The following NKAIN2 variants were observed in gnomAD, a reference collection of about 807,000 sequenced individuals.
The protein encoded by NKAIN2 is sodium/potassium-transporting ATPase subunit beta-1-interacting protein 2.
In NKAIN2, 14 loss-of-function variants were observed where a neutral mutation model predicts 32.6. The ratio of observed to expected loss-of-function variants is 0.43; its 90% CI spans 0.28 to 0.67. The LOEUF (loss-of-function observed/expected upper bound fraction) is 0.67, where lower values mean the gene tolerates loss of function less well. NKAIN2 is among the 30% of genes least tolerant of loss of function. The pLI is 0.17. For missense variants in NKAIN2, 198 were observed against 258.3 expected (o/e 0.77, Z 1.60); for synonymous variants, 80 against 87.2 (o/e 0.92, Z 0.46).
intron 1 of NKAIN2, among the ~76,000 whole-genome samples, chr6:123,857,552 A>G (rs1468696454): frequency 6.6e-6 from 1 of 152,202 alleles, no homozygotes; most frequent in African/African-American, 2.4e-5. Flanking sequence ...TGGAGAAAAA[A>G]TTATGTAAAA....
intron 3 of NKAIN2, among the ~76,000 whole-genome samples, chr6:124,539,956 GGCAATCTGCCCAC>G: frequency 6.6e-6 from 1 of 152,232 alleles, no homozygotes; most frequent in African/African-American, 2.4e-5. Flanking sequence ...CCTGAGCTCA[GGCAATCTGCCCAC>G]CTCGGCCTCC....
In NKAIN2 at chr6:124,825,153, CTAATGTGACTTT is replaced by C. The variant is rs1781537626; in HGVS notation, c.*1935_*1946del. ...AATACTATACATGCCAGAAACTATTCTAATGTGACTTTTAATGTGACTATTAAAAATGAGGTT... is the reference window on the plus strand; with the variant it reads ...AATACTATACATGCCAGAAACTATTCTAATGTGACTATTAAAAATGAGGTT... On this transcript the variant is annotated 3_prime_UTR_variant, in exon 7 of 7. Coordinates refer to ENST00000368417, the MANE Select transcript of NKAIN2 (RefSeq NM_001040214.3). 1 of 152,540 alleles carries C rather than the reference CTAATGTGACTTT, an allele frequency of 6.6e-6. No individual in the cohort carries two copies. The highest frequency in any genetic ancestry group is 1.9e-4 in the East Asian group (1 of 5,198). 9.4% of individuals were successfully genotyped at this position (152,540 alleles called of 1,614,324 possible). A position where few individuals can be genotyped will look rare whatever the true frequency, so the allele number is the denominator to read the frequency against.
chr6:123,864,461 C>T (rs868347323), intron 1 of NKAIN2, among the ~76,000 whole-genome samples: 5 of 152,118 alleles, frequency 3.3e-5, no homozygotes, highest in African/African-American at 1.2e-4. Context: ...AACTGAGTCC[C>T]TATTCTTATG....
intron 3 of NKAIN2, among the ~76,000 whole-genome samples, chr6:124,483,553 T>A (rs1777539784): frequency 6.6e-6 from 1 of 152,156 alleles, no homozygotes; most frequent in African/African-American, 2.4e-5. Context: ...GATAAACCTG[T>A]TGAATTTCTG....
At chr6:124,270,627 G>A (rs765728423) in intron 1 of NKAIN2, among the ~76,000 whole-genome samples, 15 of 152,116 alleles carry the variant, frequency 9.9e-5, no homozygotes, top group Non-Finnish European at 2.2e-4. Context: ...AGCTCTCAAT[G>A]AATACAAAAT....
At chr6:124,499,454 T>C (rs981766630) in intron 3 of NKAIN2, among the ~76,000 whole-genome samples, 2 of 152,192 alleles carry the variant, frequency 1.3e-5, no homozygotes, top group African/African-American at 2.4e-5. Context: ...TTCTGATAAT[T>C]ATTCCAGCTA....
intron 1 of NKAIN2, among the ~76,000 whole-genome samples, chr6:123,950,286 G>A (rs542928919): frequency 1.3e-4 from 20 of 151,644 alleles, no homozygotes; most frequent in Admixed American, 1.1e-3. Context: ...TGCTTTTCTC[G>A]TTTTGATACC....
At chr6:124,752,393 G>A (rs1255409775) in intron 4 of NKAIN2, among the ~76,000 whole-genome samples, 2 of 152,012 alleles carry the variant, frequency 1.3e-5, no homozygotes, top group African/African-American at 2.4e-5. Context: ...GAGAAGTAAC[G>A]AGAGTAACAT....
chr6:123,870,360 T>C (rs1240859339), intron 1 of NKAIN2, among the ~76,000 whole-genome samples: 1 of 152,116 alleles, frequency 6.6e-6, no homozygotes, highest in Admixed American at 6.5e-5. Context: ...TCAGAGAAAT[T>C]CTTCTAAGAT....
At chr6:124,523,920 A>G (rs1779216026) in intron 3 of NKAIN2, among the ~76,000 whole-genome samples, 1 of 152,196 alleles carries the variant, frequency 6.6e-6, no homozygotes, top group Non-Finnish European at 1.5e-5. Flanking sequence ...GTTACTACCA[A>G]TGGATTAGTT....
intron 2 of NKAIN2, among the ~76,000 whole-genome samples, chr6:124,348,149 G>T (rs1322653004): frequency 1.3e-5 from 2 of 152,132 alleles, no homozygotes; most frequent in Non-Finnish European, 2.9e-5. Flanking sequence ...GCAGAACCGT[G>T]GATTTTCGTG....
chr6:124,492,500 C>T (rs978767257), intron 3 of NKAIN2, among the ~76,000 whole-genome samples: 1 of 151,740 alleles, frequency 6.6e-6, no homozygotes, highest in African/African-American at 2.4e-5. Context: ...ATAGTTGTTA[C>T]AGTGATTAAA....
At position 124,810,092 on chromosome 6, in the gene NKAIN2, A is replaced by T. The variant is rs548951601; in HGVS notation, c.536-8295A>T. Among the ~76,000 whole-genome samples, 269 of 152,246 alleles carry T rather than the reference A, an allele frequency of 1.8e-3. 1 individual carries two copies. The highest frequency in any genetic ancestry group is 6.0e-3 in the African/African-American group (249 of 41,554). ...CAGTGTGGCGATTCCTCAGGGATCT[A>T]GAACTAGAAATACCATTTGACCCAG... On this transcript the variant is annotated intron_variant, in intron 5 of 6. Coordinates refer to ENST00000368417, the MANE Select transcript of NKAIN2 (RefSeq NM_001040214.3).
chr6:123,996,769 T>C (rs1364722338), intron 1 of NKAIN2, among the ~76,000 whole-genome samples: 3 of 152,188 alleles, frequency 2.0e-5, no homozygotes, highest in Non-Finnish European at 4.4e-5. Context: ...TTTTTTAGAA[T>C]GTGTATCTTG....
chr6:123,961,298 C>A (rs1029940589), intron 1 of NKAIN2, among the ~76,000 whole-genome samples: 1 of 152,140 alleles, frequency 6.6e-6, no homozygotes, highest in Non-Finnish European at 1.5e-5. Context: ...TTGCTGTATA[C>A]TACGATTATT....
At chr6:124,044,384 C>T (rs1022376302) in intron 1 of NKAIN2, among the ~76,000 whole-genome samples, 4 of 151,970 alleles carry the variant, frequency 2.6e-5, no homozygotes, top group Admixed American at 2.0e-4. Flanking sequence ...CTGAACTAGA[C>T]TCTCATCGCT....
At chr6:124,413,702 C>T (rs1774328003) in intron 3 of NKAIN2, among the ~76,000 whole-genome samples, 1 of 152,104 alleles carries the variant, frequency 6.6e-6, no homozygotes, top group African/African-American at 2.4e-5. Context: ...GCTCCACTTA[C>T]TTTGTCATCT....
At chr6:124,476,303 A>G (rs182783480) in intron 3 of NKAIN2, among the ~76,000 whole-genome samples, 308 of 151,550 alleles carry the variant, frequency 2.0e-3, no homozygotes, top group African/African-American at 7.1e-3. Context: ...AGTCTGAGGC[A>G]TTTGAATCTC....
intron 1 of NKAIN2, among the ~76,000 whole-genome samples, chr6:123,825,021 G>C (rs1774089928): frequency 6.6e-6 from 1 of 152,116 alleles, no homozygotes; most frequent in Non-Finnish European, 1.5e-5. Context: ...CTAGAGGCTG[G>C]GAAGTTCAAG....
Sources: gnomAD v4.1 joint callset for allele counts (sites outside exome capture counted in the v4.1 genomes callset) on GRCh38, gnomAD v4.1.1 for gene constraint, MANE v1.5 for transcripts, NCBI Gene and HGNC (gene_info 2026-07-23, HGNC 2026-07-21) for gene names.